Variants in ZFPM2 observed in about 807,000 individuals in gnomAD.
The protein encoded by ZFPM2 is zinc finger protein, FOG family member 2, also known as zinc finger protein ZFPM2.
ZFPM2 carries 20 observed loss-of-function variants against 98.6 expected under a neutral mutation model. That is an observed-to-expected ratio of 0.20 (90% confidence interval 0.14 to 0.29). ZFPM2 has a LOEUF of 0.29. ZFPM2 is among the 10% of genes least tolerant of loss of function. The probability of loss-of-function intolerance (pLI) is 1.00; values close to 1 mark genes in which losing one functional copy is unlikely to be tolerated. For missense variants in ZFPM2, 1,310 were observed against 1,388.6 expected, an observed-to-expected ratio of 0.94 and a Z score of 0.90; for synonymous variants, 518 against 502.7, an observed-to-expected ratio of 1.03 and a Z score of -0.41.
Position 105,327,661 on chromosome 8 carries a change from T to C in ZFPM2, c.40+8680T>C, listed in dbSNP as rs1812138888. Among the ~76,000 whole-genome samples, 3 of 151,732 alleles carry C rather than the reference T, an allele frequency of 2.0e-5. No individual in the cohort carries two copies. The South Asian group carries it at 6.2e-4, about 31-fold the overall frequency. On this transcript the variant is annotated intron_variant, in intron 1 of 7. Transcript: ENST00000407775. ...TAAAAAATACACTCAATTTTGTCCA[T>C]TTTCCCTTTGCATGCTACATTAAGA...
At chr8:105,364,691 G>A (rs1356962841) in intron 1 of ZFPM2, among the ~76,000 whole-genome samples, 1 of 151,584 alleles carries the variant, frequency 6.6e-6, no homozygotes, top group Non-Finnish European at 1.5e-5. Context: ...TAGTTTTACA[G>A]GATTGACAAA....
At chr8:105,578,237 C>T (rs1238524222) in intron 4 of ZFPM2, among the ~76,000 whole-genome samples, 1 of 152,030 alleles carries the variant, frequency 6.6e-6, no homozygotes, top group Non-Finnish European at 1.5e-5. Context: ...GGGCAGCCTA[C>T]CATTTTCATT....
At chr8:105,500,180 T>G (rs1422858822) in intron 3 of ZFPM2, among the ~76,000 whole-genome samples, 1 of 152,212 alleles carries the variant, frequency 6.6e-6, no homozygotes, top group East Asian at 1.9e-4. Flanking sequence ...ATTTAATGAT[T>G]TCTCCTTTTA....
chr8:105,459,359 A>T (rs2130294207), intron 3 of ZFPM2, among the ~76,000 whole-genome samples: 1 of 151,980 alleles, frequency 6.6e-6, no homozygotes, highest in South Asian at 2.1e-4. Context: ...TGTGATAAAT[A>T]CTCCCTGTCT....
intron 2 of ZFPM2, among the ~76,000 whole-genome samples, chr8:105,434,912 G>T (rs1050131330): frequency 6.6e-6 from 1 of 152,152 alleles, no homozygotes; most frequent in Non-Finnish European, 1.5e-5. Flanking sequence ...TCGGAATGTG[G>T]CAAATCTTTA....
In ZFPM2 at chr8:105,802,314, G is replaced by A. The variant is rs1213786727; in HGVS notation, c.2232G>A (p.Met744Ile). 3 of 1,613,678 alleles carry A rather than the reference G, an allele frequency of 1.9e-6. No individual in the cohort carries two copies. The highest frequency in any genetic ancestry group is 2.2e-5 in the East Asian group (1 of 44,852). Reference sequence around the variant, plus strand: ...GCAAGCGCAGAAAGATGTATGAGATGTGCCTACCTGAGCAGGAACAAAGGC... The same window carrying A: ...GCAAGCGCAGAAAGATGTATGAGATATGCCTACCTGAGCAGGAACAAAGGC... ...RTRKRRKMYE[M>I]CLPEQEQRPP... Residue 744 changes from methionine (M) to isoleucine (I), a missense_variant, in exon 8 of 8, where the codon ATG becomes ATA. Met to Ile is a conservative substitution (Grantham distance 10, BLOSUM62 1). Transcript: ENST00000407775.
intron 5 of ZFPM2, among the ~76,000 whole-genome samples, chr8:105,773,395 C>A (rs1438249802): frequency 1.3e-5 from 2 of 151,806 alleles, no homozygotes; most frequent in African/African-American, 4.8e-5. Flanking sequence ...TTAGAATAGA[C>A]CATTATGAAA....
At chr8:105,656,166 C>G (rs142432416) in intron 5 of ZFPM2, among the ~76,000 whole-genome samples, 2 of 152,136 alleles carry the variant, frequency 1.3e-5, no homozygotes, top group African/African-American at 4.8e-5. Context: ...AACACACACA[C>G]ACACATACAC....
At chr8:105,623,259 A>G (rs1376653329) in intron 4 of ZFPM2, among the ~76,000 whole-genome samples, 1 of 152,146 alleles carries the variant, frequency 6.6e-6, no homozygotes, top group Non-Finnish European at 1.5e-5. Context: ...CACAGCACCT[A>G]TGATATAGTT....
chr8:105,437,263 G>A (rs1732155959), intron 2 of ZFPM2, among the ~76,000 whole-genome samples: 1 of 151,996 alleles, frequency 6.6e-6, no homozygotes, highest in Admixed American at 6.6e-5. Flanking sequence ...TAAATACTCG[G>A]CAATACTTAT....
intron 2 of ZFPM2, among the ~76,000 whole-genome samples, chr8:105,426,078 T>C (rs923303123): frequency 2.0e-4 from 30 of 152,192 alleles, no homozygotes; most frequent in African/African-American, 7.2e-4. Context: ...CCTCCTCTGA[T>C]GCTTGAGTAA....
chr8:105,368,988 A>G (rs1382141464), intron 1 of ZFPM2, among the ~76,000 whole-genome samples: 1 of 152,184 alleles, frequency 6.6e-6, no homozygotes, highest in East Asian at 1.9e-4. Context: ...ACTTCTCAAC[A>G]TTAACTTTGT....
chr8:105,335,197 A>C (rs1286924725), intron 1 of ZFPM2, among the ~76,000 whole-genome samples: 2 of 151,768 alleles, frequency 1.3e-5, no homozygotes, highest in Admixed American at 6.6e-5. Context: ...CTCTCATTTG[A>C]AGGAACCTAG....
intron 4 of ZFPM2, among the ~76,000 whole-genome samples, chr8:105,568,858 C>CCTTT (rs1025231000): frequency 3.9e-5 from 6 of 152,202 alleles, no homozygotes; most frequent in African/African-American, 1.2e-4. Flanking sequence ...AGTTCTGACC[C>CCTTT]CTTTTCCACT....
chr8:105,769,096 A>G (rs1812924962), intron 5 of ZFPM2, among the ~76,000 whole-genome samples: 1 of 152,038 alleles, frequency 6.6e-6, no homozygotes, highest in African/African-American at 2.4e-5. Flanking sequence ...TCTTTCTGCA[A>G]GGATAGTTTG....
intron 4 of ZFPM2, among the ~76,000 whole-genome samples, chr8:105,609,548 G>T (rs1401882197): frequency 6.6e-6 from 1 of 152,080 alleles, no homozygotes; most frequent in Non-Finnish European, 1.5e-5. Flanking sequence ...TGAATTCCTA[G>T]TGCACAGCCT....
intron 5 of ZFPM2, among the ~76,000 whole-genome samples, chr8:105,772,033 A>ATGT (rs3048307): frequency 0.52 from 79,544 of 151,732 alleles, 24,393 homozygotes; most frequent in African/African-American, 0.86. Context: ...GGAATACAAC[A>ATGT]TGTTTATTAC....
intron 5 of ZFPM2, among the ~76,000 whole-genome samples, chr8:105,721,518 TA>T (rs1292460810): frequency 1.3e-5 from 2 of 151,896 alleles, no homozygotes; most frequent in Admixed American, 6.6e-5. Flanking sequence ...TCACTTTTTT[TA>T]AAAAAAGTAA....
rs1158393935 is a variant in ZFPM2 at position 105,658,567 on chromosome 8, C to T, written c.532+24210C>T. On this transcript the variant is annotated intron_variant, in intron 5 of 7. Coordinates refer to ENST00000407775, the MANE Select transcript of ZFPM2 (RefSeq NM_012082.4). ...TTGCGCCACTGCACTCCAGCCTGGGCGACAGCGAGACTCCGTCTCAAAAAA... is the reference window on the plus strand; with the variant it reads ...TTGCGCCACTGCACTCCAGCCTGGGTGACAGCGAGACTCCGTCTCAAAAAA... 4.0e-4 allele frequency among the ~76,000 whole-genome samples: 12 copies of T among 29,996 alleles called. 2 individuals carry two copies. Among genetic ancestry groups the T allele is most frequent in the African/African-American group, 2.0e-3 (11 of 5,494 alleles). 19.7% of individuals were successfully genotyped at this position (29,996 alleles called of 152,430 possible). A position where few individuals can be genotyped will look rare whatever the true frequency, so the allele number is the denominator to read the frequency against.
Sources: gnomAD v4.1 joint callset for allele counts (sites outside exome capture counted in the v4.1 genomes callset) on GRCh38, gnomAD v4.1.1 for gene constraint, MANE v1.5 for transcripts, NCBI Gene and HGNC (gene_info 2026-07-23, HGNC 2026-07-21) for gene names.